Variants in MYO5B observed in about 807,000 individuals in gnomAD.
MYO5B encodes unconventional myosin-Vb.
Under a neutral mutation model 229.3 loss-of-function variants are expected in MYO5B, and 143 were observed. That is an observed-to-expected ratio of 0.62 (90% CI 0.54 to 0.72). MYO5B has a LOEUF of 0.72. Ranked by LOEUF, MYO5B falls within the 30% of genes least tolerant of loss-of-function variation. The probability of loss-of-function intolerance (pLI) is 0.00; values close to 1 mark genes in which losing one functional copy is unlikely to be tolerated. For missense variants in MYO5B, 2,321 were observed against 2,331.0 expected (o/e 1.00, Z 0.09); for synonymous variants, 918 against 885.2 (o/e 1.04, Z -0.66).
intron 3 of MYO5B, among the ~76,000 whole-genome samples, chr18:50,039,892 T>G (rs1017548802): frequency 6.6e-6 from 1 of 152,168 alleles, no homozygotes; most frequent in African/African-American, 2.4e-5. Flanking sequence ...AGGACTGAGC[T>G]AAGCCAGTCG....
intron 1 of MYO5B, among the ~76,000 whole-genome samples, chr18:50,155,044 T>C (rs2032658038): frequency 6.6e-6 from 1 of 152,194 alleles, no homozygotes; most frequent in Non-Finnish European, 1.5e-5. Context: ...CTTCTAGTGG[T>C]TTTAACTCGG....
At chr18:49,922,842 T>C (rs1056444533) in intron 17 of MYO5B, among the ~76,000 whole-genome samples, 1 of 152,118 alleles carries the variant, frequency 6.6e-6, no homozygotes, top group African/African-American at 2.4e-5. Flanking sequence ...ACAATCAGAA[T>C]AGCAGTAAAA....
At chr18:49,938,362 G>A (rs1274354672) in intron 14 of MYO5B, among the ~76,000 whole-genome samples, 1 of 152,124 alleles carries the variant, frequency 6.6e-6, no homozygotes, top group African/African-American at 2.4e-5. Context: ...CAGGAACACA[G>A]TCCTGTCATC....
intron 5 of MYO5B, among the ~76,000 whole-genome samples, chr18:49,993,917 C>A (rs1231635332): frequency 6.6e-6 from 1 of 152,158 alleles, no homozygotes; most frequent in African/African-American, 2.4e-5. Flanking sequence ...ATGTGCTTGG[C>A]AGGAACCGAC....
chr18:49,966,706 A>G (rs1363877789), intron 10 of MYO5B, among the ~76,000 whole-genome samples: 2 of 152,246 alleles, frequency 1.3e-5, no homozygotes, highest in East Asian at 3.8e-4. Flanking sequence ...AGCACTCCAC[A>G]AAGAACATTC....
At position 50,077,185 on chromosome 18, in the gene MYO5B, A is replaced by G. The variant is rs1189629022; in HGVS notation, c.28-21807T>C. On this transcript the variant is annotated intron_variant, in intron 1 of 39. Transcript: ENST00000285039. The stretch of plus-strand genomic sequence containing the variant: ...TGGCAAAGTAAAAAAAAAAAAAAAA[A>G]AAAAAAAAGACAACTTACATCAGTG... 5.3e-5 allele frequency among the ~76,000 whole-genome samples: 8 copies of G among 150,854 alleles called. No individual in the cohort carries two copies. The East Asian group carries it at 9.7e-4, about 18-fold the overall frequency.
At chr18:50,073,185 T>A (rs546933766) in intron 1 of MYO5B, among the ~76,000 whole-genome samples, 20 of 152,198 alleles carry the variant, frequency 1.3e-4, no homozygotes, top group Non-Finnish European at 1.3e-4. Flanking sequence ...TCTTGGTACC[T>A]ACTACTGAAG....
At chr18:50,096,119 C>T (rs1230616220) in intron 1 of MYO5B, among the ~76,000 whole-genome samples, 1 of 152,160 alleles carries the variant, frequency 6.6e-6, no homozygotes, top group Non-Finnish European at 1.5e-5. Flanking sequence ...CAAACCAGGA[C>T]ACTTCCCATA....
At chr18:50,135,235 C>T (rs1244602799) in intron 1 of MYO5B, among the ~76,000 whole-genome samples, 1 of 152,198 alleles carries the variant, frequency 6.6e-6, no homozygotes, top group African/African-American at 2.4e-5. Flanking sequence ...ACATTTCCTT[C>T]CAATTTCACT....
chr18:49,948,490 C>T (rs1490181627), intron 14 of MYO5B, among the ~76,000 whole-genome samples: 1 of 152,090 alleles, frequency 6.6e-6, no homozygotes, highest in African/African-American at 2.4e-5. Context: ...CTACATAGTA[C>T]CCTGCTTGGT....
chr18:49,926,652 C>A (rs1254696022), intron 17 of MYO5B, among the ~76,000 whole-genome samples: 3 of 152,250 alleles, frequency 2.0e-5, no homozygotes, highest in Non-Finnish European at 4.4e-5. Context: ...ATAGCTCCAA[C>A]AAGCTCTGGA....
rs778702089 is a variant in MYO5B at position 49,937,226 on chromosome 18, CT to C, written c.1905+18del. On this transcript the variant is annotated intron_variant, in intron 15 of 39. Transcript: ENST00000285039. Reference sequence around the variant, plus strand: ...CCTGCACATGCACCTCAGCCCATAGCTTTTGGTCCGGGGCTGACCTGGTGGC... The same window carrying C: ...CCTGCACATGCACCTCAGCCCATAGCTTTGGTCCGGGGCTGACCTGGTGGC... 7 of 1,613,896 alleles carry C rather than the reference CT, an allele frequency of 4.3e-6. No individual in the cohort carries two copies. The highest frequency in any genetic ancestry group is 5.9e-6 in the Non-Finnish European group (7 of 1,179,794).
In MYO5B at chr18:49,826,261, A is replaced by G. The variant is rs1383759267; in HGVS notation, c.*210T>C. Reference sequence around the variant, plus strand: ...ACTGAAATCAAACTTAAAATCTTCCATATTTCAAGTGTTTTTATTCTGAGC... The same window carrying G: ...ACTGAAATCAAACTTAAAATCTTCCGTATTTCAAGTGTTTTTATTCTGAGC... On this transcript the variant is annotated 3_prime_UTR_variant, in exon 40 of 40. Coordinates refer to ENST00000285039, the MANE Select transcript of MYO5B (RefSeq NM_001080467.3). 1.7e-6 allele frequency: 1 copy of G among 596,650 alleles called. No homozygotes were observed. Among genetic ancestry groups the G allele is most frequent in the Non-Finnish European group, 2.9e-6 (1 of 343,956 alleles). The allele number at this position is 596,650 out of a possible 1,614,324, so 37.0% of individuals were successfully genotyped here.
chr18:49,843,009 A>G (rs2024078479), intron 34 of MYO5B, among the ~76,000 whole-genome samples: 1 of 152,188 alleles, frequency 6.6e-6, no homozygotes, highest in South Asian at 2.1e-4. Flanking sequence ...GAGGAGCTGG[A>G]GGGCTACCTA....
intron 36 of MYO5B, 85 bp downstream of exon 36, chr18:49,839,059 C>T (rs2024024417): frequency 1.3e-6 from 2 of 1,549,972 alleles, no homozygotes; most frequent in South Asian, 2.2e-5. Flanking sequence ...ATATCTGGTT[C>T]CCGAAAGGCA....
At chr18:49,946,002 G>T (rs539107237) in intron 14 of MYO5B, among the ~76,000 whole-genome samples, 1 of 152,100 alleles carries the variant, frequency 6.6e-6, no homozygotes, top group African/African-American at 2.4e-5. Context: ...ACTTTCTGAA[G>T]TGAATTTTCA....
At position 49,878,995 on chromosome 18, in the gene MYO5B, G is replaced by T; in HGVS notation, c.3226C>A (p.Gln1076Lys). 1 of 1,614,110 alleles carries T rather than the reference G, an allele frequency of 6.2e-7. No individual in the cohort carries two copies. Among genetic ancestry groups the T allele is most frequent in the Non-Finnish European group, 8.5e-7 (1 of 1,180,010 alleles). The change falls in exon 24 of 40, where the codon CAG (glutamine) becomes AAG (lysine). Residue 1076 changes from glutamine to lysine, a missense_variant. Physicochemically the swap from Gln to Lys is moderately conservative, Grantham distance 53. Coordinates refer to ENST00000285039, the MANE Select transcript of MYO5B (RefSeq NM_001080467.3). ...AGGTTGTCGTATCTCTGCTCCAACT[G>T]TGAATATTCCTTCACAAGGTTCTGG... The part of the protein sequence containing the change: ...RYQNLVKEYS[Q>K]LEQRYDNLRD...
intron 32 of MYO5B, among the ~76,000 whole-genome samples, chr18:49,848,094 C>A (rs1325700301): frequency 6.6e-6 from 1 of 152,222 alleles, no homozygotes; most frequent in Non-Finnish European, 1.5e-5. Flanking sequence ...TGACTGCACA[C>A]GGGACGCTGT....
chr18:50,088,269 G>A (rs1396487466), intron 1 of MYO5B, among the ~76,000 whole-genome samples: 3 of 152,142 alleles, frequency 2.0e-5, no homozygotes, highest in Non-Finnish European at 4.4e-5. Context: ...TAAGCTACTG[G>A]AGGCTACTGA....
Sources: allele counts gnomAD v4.1 joint callset (sites outside exome capture counted in the v4.1 genomes callset), GRCh38; gene constraint gnomAD v4.1.1; transcripts MANE v1.5; gene names NCBI Gene and HGNC (gene_info 2026-07-23, HGNC 2026-07-21).